The following THRAP3 variants were observed in gnomAD, a reference collection of about 807,000 sequenced individuals.
The protein encoded by THRAP3 is thyroid hormone receptor-associated protein 3.
A neutral mutation model predicts 101.0 loss-of-function variants in THRAP3; 16 were observed. The observed-to-expected ratio is 0.16, with a 90% CI of 0.11 to 0.24. THRAP3 has a LOEUF of 0.24. Among genes scored for constraint, THRAP3 ranks in the 10% least tolerant of loss-of-function variants. THRAP3 has a pLI of 1.00. For synonymous variants in THRAP3, 407 were observed against 422.6 expected (o/e 0.96, Z 0.45); for missense variants, 989 against 1,202.7 (o/e 0.82, Z 2.63).
In THRAP3 at chr1:36,304,637, C is replaced by T. The variant is rs1386960115; in HGVS notation, c.*620C>T. Reference sequence around the variant, plus strand: ...TGTATGTCAAGGAGGAGTTTAAGGCCTTTCCGACCACCTTGTGTTCCCCTT... The same window carrying T: ...TGTATGTCAAGGAGGAGTTTAAGGCTTTTCCGACCACCTTGTGTTCCCCTT... On this transcript the variant is annotated 3_prime_UTR_variant, in exon 12 of 12. Transcript: ENST00000354618. 3 of 222,090 alleles carry T rather than the reference C, an allele frequency of 1.4e-5. No individual in the cohort carries two copies. Among genetic ancestry groups the T allele is most frequent in the Non-Finnish European group, 2.7e-5 (3 of 110,786 alleles). The allele number at this position is 222,090 out of a possible 1,614,324, so 13.8% of individuals were successfully genotyped here.
intron 1 of THRAP3, among the ~76,000 whole-genome samples, chr1:36,247,485 C>T (rs1001402130): frequency 6.6e-6 from 1 of 151,998 alleles, no homozygotes; most frequent in African/African-American, 2.4e-5. Context: ...CCACCATACC[C>T]CACTAATTTT....
chr1:36,276,535 A>AC (rs1320762725), intron 2 of THRAP3, among the ~76,000 whole-genome samples: 10 of 150,804 alleles, frequency 6.6e-5, no homozygotes, highest in Admixed American at 1.3e-4. Context: ...AAAAAAAAAA[A>AC]AAAAAAGGTG....
chr1:36,283,724 C>T (rs930667879), intron 3 of THRAP3, among the ~76,000 whole-genome samples: 1 of 150,578 alleles, frequency 6.6e-6, no homozygotes, highest in Non-Finnish European at 1.5e-5. Context: ...TTGATTACGA[C>T]ATTTAAAATA....
intron 1 of THRAP3, among the ~76,000 whole-genome samples, chr1:36,241,249 C>CA (rs201370792): frequency 0.013 from 1,904 of 149,834 alleles, 150 homozygotes; most frequent in Admixed American, 0.12. Flanking sequence ...TGACACCTGA[C>CA]ACCTCTCACC....
chr1:36,237,272 A>G (rs1274687163), intron 1 of THRAP3, among the ~76,000 whole-genome samples: 1 of 151,980 alleles, frequency 6.6e-6, no homozygotes, highest in African/African-American at 2.4e-5. Flanking sequence ...GTTCAAGACC[A>G]TCCTAGCCAG....
chr1:36,228,563 C>T (rs1295479307), intron 1 of THRAP3, among the ~76,000 whole-genome samples: 1 of 152,088 alleles, frequency 6.6e-6, no homozygotes, highest in East Asian at 1.9e-4. Context: ...CCATGTTGGC[C>T]AGGTTGGTCT....
intron 4 of THRAP3, chr1:36,287,651 A>G (rs1645813332): frequency 2.0e-6 from 2 of 985,438 alleles, no homozygotes; most frequent in Non-Finnish European, 2.4e-6. Flanking sequence ...AGCACCCACC[A>G]TCTACTATGT....
intron 5 of THRAP3, among the ~76,000 whole-genome samples, chr1:36,291,140 A>G (rs745359681): frequency 4.6e-5 from 7 of 152,220 alleles, no homozygotes; most frequent in Non-Finnish European, 1.0e-4. Context: ...TAAAACCAGC[A>G]GTGACTAAGG....
In THRAP3 at chr1:36,274,517, A is replaced by G. The variant is rs191149353; in HGVS notation, c.-31-8016A>G. Among the ~76,000 whole-genome samples, 23 of 152,166 alleles carry G rather than the reference A, an allele frequency of 1.5e-4. No individual in the cohort carries two copies. The East Asian group carries it at 1.7e-3, about 11-fold the overall frequency. On this transcript the variant is annotated intron_variant, in intron 2 of 11. Transcript: ENST00000354618. The stretch of plus-strand genomic sequence containing the variant: ...ACTTTTTTTTATTTAAAAATGTACT[A>G]TAGCTACACTAATTAAGACTGTGGT...
intron 9 of THRAP3, among the ~76,000 whole-genome samples, chr1:36,300,384 T>G (rs1182638439): frequency 6.6e-6 from 1 of 152,250 alleles, no homozygotes; most frequent in East Asian, 1.9e-4. Context: ...TGTCCTTTAC[T>G]GCATGCCAGC....
At chr1:36,246,472 A>C (rs1645232217) in intron 1 of THRAP3, among the ~76,000 whole-genome samples, 1 of 152,012 alleles carries the variant, frequency 6.6e-6, no homozygotes, top group Admixed American at 6.6e-5. Flanking sequence ...ATCTCAAGTT[A>C]TCTCTCCGCC....
intron 1 of THRAP3, among the ~76,000 whole-genome samples, chr1:36,254,916 T>A (rs1645353400): frequency 6.6e-6 from 1 of 152,220 alleles, no homozygotes; most frequent in Non-Finnish European, 1.5e-5. Context: ...ATACATGACT[T>A]ATTTGGAAGT....
chr1:36,248,342 T>A (rs969010030), intron 1 of THRAP3, among the ~76,000 whole-genome samples: 2 of 152,116 alleles, frequency 1.3e-5, no homozygotes, highest in Non-Finnish European at 2.9e-5. Flanking sequence ...GGTCTTGGTT[T>A]GTTGTCCAGG....
At chr1:36,300,372 AT>A (rs1408768888) in intron 9 of THRAP3, among the ~76,000 whole-genome samples, 2 of 152,222 alleles carry the variant, frequency 1.3e-5, no homozygotes, top group Non-Finnish European at 1.5e-5. Flanking sequence ...ACTGAGTTGT[AT>A]TGTCCTTTAC....
intron 5 of THRAP3, among the ~76,000 whole-genome samples, chr1:36,290,941 C>T (rs566122416): frequency 1.3e-5 from 2 of 152,294 alleles, no homozygotes; most frequent in East Asian, 3.9e-4. Flanking sequence ...ACATCACCTC[C>T]CTGAATGGCC....
chr1:36,212,418 C>CTTTTTT, the THRAP3 span, among the ~76,000 whole-genome samples: 1,256 of 121,950 alleles, frequency 0.01, 45 homozygotes, highest in African/African-American at 0.039. Context: ...TTCTTTCTTT[C>CTTTTTT]TTTTTTTTTT....
chr1:36,286,370 C>G lies in THRAP3; in HGVS notation c.140C>G (p.Ser47Cys). The change falls in exon 4 of 12, where the codon TCT becomes TGT. Residue 47 changes from serine (S) to cysteine (C), a missense_variant and splice_region_variant. Transcript: ENST00000354618. This position sits in a 1 kb window ranked among gnomAD's most constrained non-coding sequence, Gnocchi z 5.5. Reference sequence around the variant, plus strand: ...TGTCTCTTTCCTTTCCATTCCAGTTCTAGGTCTCGTTCCAGATCATATTCT... The same window carrying G: ...TGTCTCTTTCCTTTCCATTCCAGTTGTAGGTCTCGTTCCAGATCATATTCT... ...LSRSRKRRLS[S>C]RSRSRSYSPA... 3 of 1,570,662 alleles carry G rather than the reference C, an allele frequency of 1.9e-6. No individual in the cohort carries two copies. The highest frequency in any genetic ancestry group is 2.6e-6 in the Non-Finnish European group (3 of 1,162,038).
At chr1:36,288,099 C>G (rs1645818530) in intron 4 of THRAP3, 2 of 984,674 alleles carry the variant, frequency 2.0e-6, no homozygotes, top group African/African-American at 3.5e-5. Context: ...ATTAATGGTA[C>G]AGATGAGATG....
In THRAP3 at chr1:36,267,965, A is replaced by G. The variant is rs1414414270; in HGVS notation, c.-32+8481A>G. Reference sequence around the variant, plus strand: ...GAGGCCGAGGCAGATGGATCACTTGAGGCCAGGAGTTCAAGACCAGCCTGG... The same window carrying G: ...GAGGCCGAGGCAGATGGATCACTTGGGGCCAGGAGTTCAAGACCAGCCTGG... On this transcript the variant is annotated intron_variant, in intron 2 of 11. Transcript: ENST00000354618. Among the ~76,000 whole-genome samples, 3 of 115,820 alleles carry G rather than the reference A, an allele frequency of 2.6e-5. 1 individual carries two copies. Among genetic ancestry groups the G allele is most frequent in the African/African-American group, 8.6e-5 (3 of 34,684 alleles). The allele number at this position is 115,820 out of a possible 152,430, so 76.0% of individuals were successfully genotyped here. A position where few individuals can be genotyped will look rare whatever the true frequency, so the allele number is the denominator to read the frequency against.
Sources: allele counts gnomAD v4.1 joint callset (sites outside exome capture counted in the v4.1 genomes callset), GRCh38; gene constraint gnomAD v4.1.1; non-coding constraint Gnocchi (gnomAD v3.1); transcripts MANE v1.5; gene names NCBI Gene and HGNC (gene_info 2026-07-23, HGNC 2026-07-21).